PCDHGA2: variants seen among roughly 807,000 people sequenced by gnomAD.
PCDHGA2 encodes the protein protocadherin gamma subfamily A, 2, also known as protocadherin gamma-A2.
A neutral mutation model predicts 59.2 loss-of-function variants in PCDHGA2; 40 were observed. The observed-to-expected ratio is 0.68, with a 90% CI of 0.52 to 0.88. The LOEUF (loss-of-function observed/expected upper bound fraction) is 0.88. Ranked by LOEUF, PCDHGA2 falls within the 40% of genes least tolerant of loss-of-function variation. The probability of loss-of-function intolerance (pLI) is 0.00; values close to 1 mark genes in which losing one functional copy is unlikely to be tolerated. For synonymous variants in PCDHGA2, 560 were observed against 526.0 expected, an observed-to-expected ratio of 1.06 and a Z score of -0.89; for missense variants, 1,226 against 1,204.0, an observed-to-expected ratio of 1.02 and a Z score of -0.27.
At position 141,470,736 on chromosome 5, in the gene PCDHGA2, C is replaced by T. The variant is rs541510544; in HGVS notation, c.2425-24071C>T. ...TTTTTGAGTCAGGGTCTTGCTCTGT[C>T]GCCCTGGCTGGAGTGCAGTGGACTC... On this transcript the variant is annotated intron_variant, in intron 1 of 3. Coordinates refer to ENST00000394576, the MANE Select transcript of PCDHGA2 (RefSeq NM_018915.4). Among the ~76,000 whole-genome samples, 104 of 152,208 alleles carry T rather than the reference C, an allele frequency of 6.8e-4. 2 individuals carry two copies. Among genetic ancestry groups the T allele is most frequent in the African/African-American group, 2.4e-3 (98 of 41,522 alleles).
chr5:141,351,655 C>T, intron 1 of PCDHGA2: 2 of 1,614,068 alleles, frequency 1.2e-6, no homozygotes, highest in Non-Finnish European at 1.7e-6. Context: ...CACCTGGCGC[C>T]TCCATTGCAC....
intron 1 of PCDHGA2, chr5:141,388,025 G>A (rs986664863): frequency 6.9e-7 from 1 of 1,447,232 alleles, no homozygotes. Flanking sequence ...GCTCCGTAGT[G>A]GGGAACCTCG....
At chr5:141,357,088 C>G (rs530114356) in intron 1 of PCDHGA2, 3 of 1,613,900 alleles carry the variant, frequency 1.9e-6, no homozygotes, top group Middle Eastern at 3.3e-4. Context: ...GCGCACCGCA[C>G]GGGCCCTGCT....
In PCDHGA2 at chr5:141,489,515, G is replaced by A. The variant is rs983415025; in HGVS notation, c.2425-5292G>A. On this transcript the variant is annotated intron_variant, in intron 1 of 3. Coordinates refer to ENST00000394576, the MANE Select transcript of PCDHGA2 (RefSeq NM_018915.4). The surrounding 1 kb of genome is among the most constrained non-coding windows in gnomAD (Gnocchi z 4.5). ...CTGGCAGTGAATCAAAAGATTGACC[G>A]AGAAAGCCTATGTGGAGCCAGCACC... 2 of 1,614,104 alleles carry A rather than the reference G, an allele frequency of 1.2e-6. No homozygotes were observed. Among genetic ancestry groups the A allele is most frequent in the Non-Finnish European group, 8.5e-7 (1 of 1,180,034 alleles).
chr5:141,485,734 C>T lies in PCDHGA2; in HGVS notation c.2425-9073C>T. ...CACTGGATGTGAAGAAGCGCAGCGACGGCAGCCTGGTCCCAGAGCTGCTCC... is the reference window on the plus strand; with the variant it reads ...CACTGGATGTGAAGAAGCGCAGCGATGGCAGCCTGGTCCCAGAGCTGCTCC... On this transcript the variant is annotated intron_variant, in intron 1 of 3. Transcript: ENST00000394576. This position sits in a 1 kb window ranked among gnomAD's most constrained non-coding sequence, Gnocchi z 5.7. The T allele has an allele frequency of 6.2e-7, 1 of 1,614,210 alleles. No individual in the cohort carries two copies. The highest frequency in any genetic ancestry group is 8.5e-7 in the Non-Finnish European group (1 of 1,180,028).
In PCDHGA2 at chr5:141,431,889, A is replaced by G; in HGVS notation, c.2425-62918A>G. 1 of 1,614,170 alleles carries G rather than the reference A, an allele frequency of 6.2e-7. No homozygotes were observed. The highest frequency in any genetic ancestry group is 2.2e-5 in the East Asian group (1 of 44,888). On this transcript the variant is annotated intron_variant, in intron 1 of 3. Transcript: ENST00000394576. The surrounding 1 kb of genome is among the most constrained non-coding windows in gnomAD (Gnocchi z 4.8). The stretch of plus-strand genomic sequence containing the variant: ...TTAAATGTAAATGACCAAGATTCTG[A>G]GGAAAACGGACAGGTGATCTGTTTC...
intron 1 of PCDHGA2, chr5:141,364,471 C>T (rs1307954673): frequency 3.1e-6 from 5 of 1,613,918 alleles, no homozygotes; most frequent in Non-Finnish European, 4.2e-6. Context: ...TCGTCGGCAA[C>T]ATAGCCAAGG....
At position 141,398,135 on chromosome 5, in the gene PCDHGA2, G is replaced by A. The variant is rs771670845; in HGVS notation, c.2424+56740G>A. ...CTGAGGAGAGCAAGAGGGATGGGGAGCGGCGCCGGGGAGCTGGGCCGGGCT... is the reference window on the plus strand; with the variant it reads ...CTGAGGAGAGCAAGAGGGATGGGGAACGGCGCCGGGGAGCTGGGCCGGGCT... On this transcript the variant is annotated intron_variant, in intron 1 of 3. Transcript: ENST00000394576. 4 of 1,556,792 alleles carry A rather than the reference G, an allele frequency of 2.6e-6. No individual in the cohort carries two copies. Among genetic ancestry groups the A allele is most frequent in the Non-Finnish European group, 3.5e-6 (4 of 1,157,318 alleles).
At chr5:141,418,287 G>C in intron 1 of PCDHGA2, 1 of 1,614,020 alleles carries the variant, frequency 6.2e-7, no homozygotes, top group South Asian at 1.1e-5. Context: ...TTAGAAATCA[G>C]TGAATCCGTC....
chr5:141,399,713 A>T, intron 1 of PCDHGA2: 1 of 1,613,326 alleles, frequency 6.2e-7, no homozygotes, highest in Non-Finnish European at 8.5e-7. Context: ...CTCACACTAC[A>T]GGCCCGCGAC....
intron 1 of PCDHGA2, chr5:141,422,641 A>G (rs557969590): frequency 1.2e-6 from 2 of 1,612,356 alleles, no homozygotes; most frequent in Admixed American, 1.7e-5. Context: ...GGGTGCCTCC[A>G]TCTTCTCAGT....
At chr5:141,344,217 C>A in intron 1 of PCDHGA2, 1 of 1,613,990 alleles carries the variant, frequency 6.2e-7, no homozygotes, top group Non-Finnish European at 8.5e-7. Flanking sequence ...GCTGGCGGAG[C>A]GCGGAGTCCG....
chr5:141,422,088 CA>C (rs1235447839), intron 1 of PCDHGA2: 2 of 1,611,912 alleles, frequency 1.2e-6, no homozygotes, highest in Non-Finnish European at 1.7e-6. Flanking sequence ...ACATGGAAAG[CA>C]AGGCTTCTGA....
intron 1 of PCDHGA2, chr5:141,371,423 T>C: frequency 6.2e-7 from 1 of 1,613,962 alleles, no homozygotes; most frequent in Non-Finnish European, 8.5e-7. Flanking sequence ...AAAATGACAA[T>C]GCCCCGGAGA....
At chr5:141,394,186 C>T (rs1412149852) in intron 1 of PCDHGA2, 7 of 1,613,792 alleles carry the variant, frequency 4.3e-6, no homozygotes, top group South Asian at 1.1e-5. Context: ...GCCTCCTACT[C>T]AGCGTATATC....
intron 1 of PCDHGA2, chr5:141,427,047 C>T (rs1196561600): frequency 1.1e-5 from 5 of 457,294 alleles, no homozygotes; most frequent in Non-Finnish European, 1.8e-5. Flanking sequence ...GAATGTGCCC[C>T]CAGGCACCTC....
intron 1 of PCDHGA2, among the ~76,000 whole-genome samples, chr5:141,425,668 T>C (rs2096887740): frequency 1.3e-5 from 2 of 152,260 alleles, no homozygotes; most frequent in South Asian, 4.1e-4. Context: ...GCACATCAGA[T>C]TGAAAATAAT....
intron 1 of PCDHGA2, chr5:141,382,643 A>G (rs1179734699): frequency 2.5e-6 from 1 of 392,566 alleles, no homozygotes; most frequent in Non-Finnish European, 4.5e-6. Flanking sequence ...TGGTGCAGTA[A>G]CTTAGTAAGG....
At position 141,340,929 on chromosome 5, in the gene PCDHGA2, C is replaced by G. The variant is rs1298518888; in HGVS notation, c.1958C>G (p.Pro653Arg). 1 of 1,613,748 alleles carries G rather than the reference C, an allele frequency of 6.2e-7. No homozygotes were observed. Among genetic ancestry groups the G allele is most frequent in the Non-Finnish European group, 8.5e-7 (1 of 1,179,948 alleles). The change falls in exon 1 of 4, where the codon CCT (proline) becomes CGT (arginine). Residue 653 changes from proline (P) to arginine (R), a missense_variant. Physicochemically the swap from Pro to Arg is moderately radical, Grantham distance 103 (BLOSUM62 -2). Transcript: ENST00000394576. ...GCCATCCAGGACCACGGCCAGCCCC[C>G]TCTCTCCGCCACTGTCACGCTCACC... ...VVAIQDHGQP[P>R]LSATVTLTVA... is the part of the protein sequence containing the mutation.
Sources: gnomAD v4.1 joint callset for allele counts (sites outside exome capture counted in the v4.1 genomes callset) on GRCh38, gnomAD v4.1.1 for gene constraint, Gnocchi (gnomAD v3.1) non-coding constraint, MANE v1.5 for transcripts, NCBI Gene and HGNC (gene_info 2026-07-23, HGNC 2026-07-21) for gene names.